ODF2L: variants seen among roughly 807,000 people sequenced by gnomAD.
The protein encoded by ODF2L is outer dense fiber of sperm tails 2 like, also known as protein BCAP.
Under a neutral mutation model 86.3 loss-of-function variants are expected in ODF2L, and 76 were observed. That is an observed-to-expected ratio of 0.88 (90% confidence interval 0.73 to 1.07). The LOEUF is 1.07. ODF2L is among the 50% of genes least tolerant of loss of function. The pLI is 0.00. For synonymous variants in ODF2L, 241 were observed against 231.3 expected, an observed-to-expected ratio of 1.04 and a Z score of -0.38; for missense variants, 748 against 717.4, an observed-to-expected ratio of 1.04 and a Z score of -0.49.
intron 1 of ODF2L, 141 bp downstream of exon 1, chr1:86,395,892 G>C (rs942062249): frequency 2.6e-5 from 4 of 152,266 alleles, no homozygotes; most frequent in Non-Finnish European, 5.9e-5. Context: ...TGCGCGGAGG[G>C]GGCTGGGTGG....
chr1:86,379,572 T>G (rs1172495732), intron 7 of ODF2L, among the ~76,000 whole-genome samples: 1 of 152,158 alleles, frequency 6.6e-6, no homozygotes, highest in Non-Finnish European at 1.5e-5. Context: ...CCAAATATAT[T>G]AGGACTCTTC....
At chr1:86,359,519 C>CTTTTTTTTTTTTT (rs5775904) in intron 12 of ODF2L, among the ~76,000 whole-genome samples, 1 of 95,120 alleles carries the variant, frequency 1.1e-5, no homozygotes. Flanking sequence ...TTAGTTCATT[C>CTTTTTTTTTTTTT]TTTTTTTTTT....
At chr1:86,376,798 T>C (rs1041749156) in intron 7 of ODF2L, among the ~76,000 whole-genome samples, 1 of 152,066 alleles carries the variant, frequency 6.6e-6, no homozygotes, top group Admixed American at 6.5e-5. Context: ...TCCAATCACC[T>C]CCCACCAGGT....
intron 2 of ODF2L, chr1:86,385,900 C>A: frequency 5.5e-6 from 1 of 182,466 alleles, no homozygotes; most frequent in Non-Finnish European, 1.1e-5. Flanking sequence ...GGCAGCTTTT[C>A]TCTTTCTTTG....
intron 11 of ODF2L, among the ~76,000 whole-genome samples, chr1:86,363,726 T>A (rs1291344800): frequency 6.6e-6 from 1 of 151,978 alleles, no homozygotes; most frequent in African/African-American, 2.4e-5. Flanking sequence ...CAGTTATCTT[T>A]CAGTTATGAG....
intron 11 of ODF2L, among the ~76,000 whole-genome samples, chr1:86,367,312 T>G (rs961105406): frequency 1.4e-4 from 22 of 152,200 alleles, no homozygotes; most frequent in African/African-American, 5.3e-4. Flanking sequence ...TAATTTTCTC[T>G]GTCTTAAGGG....
intron 8 of ODF2L, among the ~76,000 whole-genome samples, chr1:86,375,591 C>T (rs1255796676): frequency 6.6e-6 from 1 of 151,964 alleles, no homozygotes; most frequent in Middle Eastern, 3.2e-3. Flanking sequence ...TTATCAAAAA[C>T]AACAAAGCAC....
At chr1:86,375,716 A>G (rs1660121439) in intron 8 of ODF2L, among the ~76,000 whole-genome samples, 1 of 152,198 alleles carries the variant, frequency 6.6e-6, no homozygotes, top group South Asian at 2.1e-4. Context: ...TACTGAATAA[A>G]GTCATAGGGT....
chr1:86,379,021 T>C (rs1481891405), intron 7 of ODF2L, among the ~76,000 whole-genome samples: 1 of 151,894 alleles, frequency 6.6e-6, no homozygotes, highest in East Asian at 1.9e-4. Flanking sequence ...TCTTGCGAAA[T>C]CAGGTTGTTT....
intron 6 of ODF2L, among the ~76,000 whole-genome samples, 184 bp downstream of exon 6, chr1:86,382,747 T>TA (rs1660675875): frequency 1.3e-5 from 2 of 151,750 alleles, no homozygotes; most frequent in Admixed American, 1.3e-4. Flanking sequence ...ATAAAAACCC[T>TA]AAAAAAACTT....
At chr1:86,354,502 A>C in intron 16 of ODF2L, 28 bp downstream of exon 15, 3 of 1,479,140 alleles carry the variant, frequency 2.0e-6, no homozygotes, top group Non-Finnish European at 2.8e-6. Flanking sequence ...AATGAATTAA[A>C]AAGTTTCTAA....
chr1:86,385,674 G>T, intron 2 of ODF2L, 84 bp from the exon 3 acceptor site: 1 of 1,002,036 alleles, frequency 1.0e-6, no homozygotes, highest in Non-Finnish European at 1.5e-6. Context: ...CACCTATACA[G>T]TACTCTTAAT....
intron 14 of ODF2L, 65 bp downstream of exon 13, chr1:86,356,379 T>C (rs1169768113): frequency 2.5e-5 from 34 of 1,375,884 alleles, no homozygotes; most frequent in Non-Finnish European, 3.2e-5. Context: ...TGCCCTCAAC[T>C]GGTGAAATCA....
chr1:86,378,264 A>G (rs1279169164), intron 7 of ODF2L, among the ~76,000 whole-genome samples: 2 of 152,112 alleles, frequency 1.3e-5, no homozygotes, highest in Non-Finnish European at 2.9e-5. Flanking sequence ...CCTCATCTCT[A>G]TCTGAGACCA....
At chr1:86,373,984 C>T (rs1659993553) in intron 8 of ODF2L, among the ~76,000 whole-genome samples, 1 of 152,172 alleles carries the variant, frequency 6.6e-6, no homozygotes, top group African/African-American at 2.4e-5. Flanking sequence ...CTCTGCAGAT[C>T]CACCTAAAGA....
rs752029986 is a variant in ODF2L at position 86,358,907 on chromosome 1, T to C, written c.1255-16A>G. On this transcript the variant is annotated splice_polypyrimidine_tract_variant and intron_variant, in intron 12 of 17. Transcript: ENST00000317336. ...ACTTTTGTACCTGAAAATAAAGTAT[T>C]AGAGAAACATATTATTTTTAGAATC... is the stretch of plus-strand genomic sequence containing the variant. 8.6e-7 allele frequency: 1 copy of C among 1,163,738 alleles called. No individual in the cohort carries two copies. The highest frequency in any genetic ancestry group is 1.6e-5 in the South Asian group (1 of 63,598). 72.1% of individuals were successfully genotyped at this position (1,163,738 alleles called of 1,614,324 possible). A position where few individuals can be genotyped will look rare whatever the true frequency, so the allele number is the denominator to read the frequency against.
At chr1:86,393,303 C>T (rs2101599596) in intron 1 of ODF2L, among the ~76,000 whole-genome samples, 1 of 150,810 alleles carries the variant, frequency 6.6e-6, no homozygotes, top group South Asian at 2.1e-4. Context: ...GCAAGGAACA[C>T]AAAGTAGATA....
At chr1:86,356,860 T>C (rs1658609017) in intron 13 of ODF2L, among the ~76,000 whole-genome samples, 2 of 152,162 alleles carry the variant, frequency 1.3e-5, no homozygotes, top group African/African-American at 4.8e-5. Flanking sequence ...TTAACTAATT[T>C]TTAAGAGCAA....
intron 1 of ODF2L, among the ~76,000 whole-genome samples, chr1:86,392,720 G>A (rs578076252): frequency 6.6e-6 from 1 of 152,134 alleles, no homozygotes; most frequent in Non-Finnish European, 1.5e-5. Context: ...AGTGTACACT[G>A]CTCAGGGATG....
Sources: allele counts gnomAD v4.1 joint callset (sites outside exome capture counted in the v4.1 genomes callset), GRCh38; gene constraint gnomAD v4.1.1; transcripts MANE v1.5; gene names NCBI Gene and HGNC (gene_info 2026-07-23, HGNC 2026-07-21).